The following DACH2 variants were observed in gnomAD, a reference collection of about 807,000 sequenced individuals.
The protein encoded by DACH2 is dachshund homolog 2.
In DACH2, 17 loss-of-function variants were observed where a neutral mutation model predicts 35.8. The observed-to-expected ratio is 0.48, with a 90% CI of 0.33 to 0.71. The LOEUF (loss-of-function observed/expected upper bound fraction) is 0.71, where lower values mean the gene tolerates loss of function less well. Among genes scored for constraint, DACH2 ranks in the 30% least tolerant of loss-of-function variants. The pLI is 0.02. For synonymous variants in DACH2, 195 were observed against 177.3 expected, an observed-to-expected ratio of 1.10 and a Z score of -0.79; for missense variants, 469 against 472.7, an observed-to-expected ratio of 0.99 and a Z score of 0.07.
chrX:86,554,429 A>G (rs1351644656), intron 3 of DACH2, among the ~76,000 whole-genome samples: 1 of 111,881 alleles, frequency 8.9e-6, no homozygotes, highest in Non-Finnish European at 1.9e-5. Context: ...GCTGGAAACA[A>G]TATATCAGAT....
intron 5 of DACH2, among the ~76,000 whole-genome samples, chrX:86,706,946 G>T (rs57034116): frequency 9.1e-6 from 1 of 109,467 alleles, no homozygotes; most frequent in African/African-American, 3.3e-5. Flanking sequence ...AAAATAAAAA[G>T]ATAAAAAATT....
intron 1 of DACH2, among the ~76,000 whole-genome samples, chrX:86,166,790 C>A (rs2030958996): frequency 9.0e-6 from 1 of 111,210 alleles, no homozygotes; most frequent in Non-Finnish European, 1.9e-5. Context: ...TTGGACTCAC[C>A]AAATACTCTT....
chrX:86,252,812 G>A (rs2033428284), intron 1 of DACH2, among the ~76,000 whole-genome samples: 1 of 110,914 alleles, frequency 9.0e-6, no homozygotes, highest in Admixed American at 9.7e-5. Context: ...CTTAGTCTTG[G>A]TTTGGCTATG....
chrX:86,175,325 A>C (rs2031265055), intron 1 of DACH2, among the ~76,000 whole-genome samples: 1 of 112,386 alleles, frequency 8.9e-6, no homozygotes, highest in Non-Finnish European at 1.9e-5. Context: ...TGGCAATTGG[A>C]TGTGGCAATG....
intron 1 of DACH2, among the ~76,000 whole-genome samples, chrX:86,281,913 A>T (rs894386104): frequency 8.9e-5 from 10 of 112,017 alleles, no homozygotes; most frequent in Non-Finnish European, 1.7e-4. Flanking sequence ...TGCTACAAAG[A>T]TCATAAAATT....
chrX:86,679,833 C>T (rs2040861134), intron 4 of DACH2, among the ~76,000 whole-genome samples: 1 of 111,006 alleles, frequency 9.0e-6, no homozygotes, highest in Non-Finnish European at 1.9e-5. Flanking sequence ...TTCCTCCTTA[C>T]AGGAATGGGT....
chrX:86,347,509 T>G (rs1022967481), intron 1 of DACH2, among the ~76,000 whole-genome samples: 40 of 112,843 alleles, frequency 3.5e-4, no homozygotes, highest in African/African-American at 1.2e-3. Context: ...TTGTAAAGTT[T>G]ACAAGTTGAT....
chrX:86,496,705 A>G (rs1302603757), intron 2 of DACH2, among the ~76,000 whole-genome samples: 1 of 110,178 alleles, frequency 9.1e-6, no homozygotes, highest in Non-Finnish European at 1.9e-5. Context: ...AAGCTATGGA[A>G]AGGTTTATTA....
intron 1 of DACH2, among the ~76,000 whole-genome samples, chrX:86,236,480 G>A (rs949964629): frequency 2.7e-5 from 3 of 111,801 alleles, no homozygotes; most frequent in African/African-American, 9.8e-5. Flanking sequence ...GCATAATTCG[G>A]CAATTTTGTC....
At chrX:86,546,339 C>CTCCTCTTCTTCTTCT (rs1380637599) in intron 3 of DACH2, among the ~76,000 whole-genome samples, 19 of 67,197 alleles carry the variant, frequency 2.8e-4, no homozygotes, top group East Asian at 1.2e-3. Context: ...CTTCTTCTTC[C>CTCCTCTTCTTCTTCT]TCTTCTTCTT....
rs2030720478 is a variant in DACH2 at position 86,160,641 on chromosome X, C to T, written c.488+11533C>T. On this transcript the variant is annotated intron_variant, in intron 1 of 11. Transcript: ENST00000373125. ...ATTGGTGGGCCATTTTTGCTGTCAC[C>T]AGCAATGTTGCCACAACGAACATCC... 13 of 501,513 alleles carry T rather than the reference C, an allele frequency of 2.6e-5. No homozygotes were observed. In the Admixed American group the frequency reaches 3.4e-4, roughly 13 times the overall value. 41.3% of individuals were successfully genotyped at this position (501,513 alleles called of 1,213,427 possible). A position where few individuals can be genotyped will look rare whatever the true frequency, so the allele number is the denominator to read the frequency against.
intron 6 of DACH2, among the ~76,000 whole-genome samples, 158 bp downstream of exon 6, chrX:86,714,878 A>G (rs1389918793): frequency 8.9e-6 from 1 of 112,104 alleles, no homozygotes; most frequent in African/African-American, 3.2e-5. Flanking sequence ...TAGGCCTGCC[A>G]GGTTTGTTGT....
At chrX:86,703,662 C>T (rs1396126458) in intron 5 of DACH2, among the ~76,000 whole-genome samples, 1 of 111,341 alleles carries the variant, frequency 9.0e-6, no homozygotes, top group Non-Finnish European at 1.9e-5. Context: ...AGAATGCAAT[C>T]CCATTTAGGA....
Position 86,752,376 on chromosome X carries a change from T to A in DACH2, c.1240+12494T>A, listed in dbSNP as rs184812582. Among the ~76,000 whole-genome samples, 587 of 111,708 alleles carry A rather than the reference T, an allele frequency of 5.3e-3. 3 individuals carry two copies. The highest frequency in any genetic ancestry group is 0.018 in the African/African-American group (561 of 30,826). On this transcript the variant is annotated intron_variant, in intron 7 of 11. Transcript: ENST00000373125. ...CTGATGTTGACCAACTTTTCATATA[T>A]CTATTGGCCATTTTTATGTCTGTTT...
At chrX:86,320,727 T>C (rs1192794642) in intron 1 of DACH2, among the ~76,000 whole-genome samples, 14 of 112,286 alleles carry the variant, frequency 1.2e-4, no homozygotes. Context: ...TAAGTAGCCA[T>C]TGGCTTTTGA....
At chrX:86,673,149 C>T (rs1423950481) in intron 4 of DACH2, among the ~76,000 whole-genome samples, 3 of 110,013 alleles carry the variant, frequency 2.7e-5, no homozygotes, top group Non-Finnish European at 5.7e-5. Context: ...TCCTGGCTAA[C>T]ATGGTGATAC....
chrX:86,761,532 C>A (rs2041882150), intron 7 of DACH2, among the ~76,000 whole-genome samples: 1 of 111,517 alleles, frequency 9.0e-6, no homozygotes, highest in South Asian at 3.8e-4. Context: ...TTTGACCCAG[C>A]AATCCCATTA....
chrX:86,341,944 G>A (rs1201631552), intron 1 of DACH2, among the ~76,000 whole-genome samples: 8 of 111,748 alleles, frequency 7.2e-5, no homozygotes, highest in Non-Finnish European at 1.1e-4. Context: ...TGCTTCTTAC[G>A]GATGAGCAAA....
chrX:86,298,752 G>T (rs2034516768), intron 1 of DACH2, among the ~76,000 whole-genome samples: 1 of 111,906 alleles, frequency 8.9e-6, no homozygotes, highest in Non-Finnish European at 1.9e-5. Context: ...TTACAAAAAA[G>T]GTTTCAGAGT....
Sources: gnomAD v4.1 joint callset for allele counts (sites outside exome capture counted in the v4.1 genomes callset) on GRCh38, gnomAD v4.1.1 for gene constraint, MANE v1.5 for transcripts, NCBI Gene and HGNC (gene_info 2026-07-23, HGNC 2026-07-21) for gene names.